The following ITGAE variants were observed in gnomAD, a reference collection of about 807,000 sequenced individuals.
ITGAE encodes integrin alpha-E.
Under a neutral mutation model 136.5 loss-of-function variants are expected in ITGAE, and 99 were observed. That is an observed-to-expected ratio of 0.73 (90% confidence interval 0.62 to 0.86). The LOEUF (loss-of-function observed/expected upper bound fraction) is 0.86. ITGAE is among the 40% of genes least tolerant of loss of function. The pLI, the probability that ITGAE is intolerant of heterozygous loss-of-function variation, is 0.00. For synonymous variants in ITGAE, 613 were observed against 591.8 expected (o/e 1.04, Z -0.52); for missense variants, 1,447 against 1,515.3 (o/e 0.95, Z 0.75).
In ITGAE at chr17:3,798,829, C is replaced by G. The variant is rs995043777; in HGVS notation, c.34+2282G>C. Reference sequence around the variant, plus strand: ...TCAGGGGTGAAGACTGACTTGGGGACAGCAGGCCACAGGGTAAGAGGGCAT... The same window carrying G: ...TCAGGGGTGAAGACTGACTTGGGGAGAGCAGGCCACAGGGTAAGAGGGCAT... On this transcript the variant is annotated intron_variant, in intron 1 of 30. Transcript: ENST00000263087. The surrounding 1 kb of genome is among the most constrained non-coding windows in gnomAD (Gnocchi z 4.3). Among the ~76,000 whole-genome samples the G allele has an allele frequency of 1.3e-5, 2 of 152,218 alleles. No individual in the cohort carries two copies. Among genetic ancestry groups the G allele is most frequent in the Non-Finnish European group, 2.9e-5 (2 of 68,038 alleles).
chr17:3,730,366 C>G (rs9912967), intron 23 of ITGAE: 1 of 151,336 alleles, frequency 6.6e-6, no homozygotes, highest in African/African-American at 2.4e-5. Flanking sequence ...AGGCAGAGAA[C>G]TGCTTGAACC....
rs201627466 is a variant in ITGAE, at chr17:3,757,706, C to T, written c.1020G>A (p.Gly340=). ...KMQGVERFAI[G]VGEEFKSART... is the part of the protein sequence containing the mutation. Reference sequence around the variant, plus strand: ...GTGTCTCCCGGCTCCTGGCTCTTACCCCAATGGCAAAGCGCTCAACACCCT... The same window carrying T: ...GTGTCTCCCGGCTCCTGGCTCTTACTCCAATGGCAAAGCGCTCAACACCCT... Residue 340 remains glycine (G), a splice_region_variant and synonymous_variant, in exon 9 of 31, where the codon GGG becomes GGA. Transcript: ENST00000263087. 37 of 1,613,744 alleles carry T rather than the reference C, an allele frequency of 2.3e-5. No individual in the cohort carries two copies. Among genetic ancestry groups the T allele is most frequent in the Non-Finnish European group, 3.1e-5 (37 of 1,179,862 alleles).
intron 24 of ITGAE, among the ~76,000 whole-genome samples, chr17:3,728,762 T>G (rs1176709189): frequency 6.6e-6 from 1 of 151,120 alleles, no homozygotes; most frequent in Non-Finnish European, 1.5e-5. Context: ...CCGGGTGCAG[T>G]GGTTCATGCC....
intron 1 of ITGAE, among the ~76,000 whole-genome samples, chr17:3,780,801 A>C (rs1449798972): frequency 6.6e-6 from 1 of 151,834 alleles, no homozygotes; most frequent in Non-Finnish European, 1.5e-5. Context: ...CCAGGGCTCA[A>C]TCCATCCTCC....
In ITGAE at chr17:3,729,740, G is replaced by T; in HGVS notation, c.2835-185C>A. 2.0e-5 allele frequency: 11 copies of T among 546,588 alleles called. No homozygotes were observed. The South Asian group carries it at 2.0e-4, about 10-fold the overall frequency. 33.9% of individuals were successfully genotyped at this position (546,588 alleles called of 1,614,324 possible). A position where few individuals can be genotyped will look rare whatever the true frequency, so the allele number is the denominator to read the frequency against. On this transcript the variant is annotated intron_variant, in intron 23 of 30. Coordinates refer to ENST00000263087, the MANE Select transcript of ITGAE (RefSeq NM_002208.5). ...CTCCTGAGTAGCTGGAATTACAGGC[G>T]TGAGCCACCATACCCAGTTAATTTT...
chr17:3,748,054 TAAACAAGACA>T lies in ITGAE; in HGVS notation c.2025-12_2025-3del. On this transcript the variant is annotated splice_region_variant and splice_polypyrimidine_tract_variant and intron_variant, in intron 16 of 30. Transcript: ENST00000263087. ...TTCAGGCGAACCACAGGCCGGGAGCTAAACAAGACAGCAAAGAGGATGGGAGAAGTGACTG... is the reference window on the plus strand; with the variant it reads ...TTCAGGCGAACCACAGGCCGGGAGCTGCAAAGAGGATGGGAGAAGTGACTG... The T allele has an allele frequency of 6.2e-7, 1 of 1,608,304 alleles. No individual in the cohort carries two copies. The highest frequency in any genetic ancestry group is 1.1e-5 in the South Asian group (1 of 90,970).
intron 1 of ITGAE, among the ~76,000 whole-genome samples, chr17:3,797,315 G>A (rs559589551): frequency 8.5e-4 from 124 of 146,098 alleles, no homozygotes; most frequent in Admixed American, 2.3e-3. Flanking sequence ...ACAGGCACCC[G>A]CCACCATGCC....
chr17:3,737,863 T>C (rs908746670), intron 20 of ITGAE, among the ~76,000 whole-genome samples: 2 of 152,128 alleles, frequency 1.3e-5, no homozygotes, highest in Admixed American at 1.3e-4. Context: ...TTGCTTGCTA[T>C]GTACACTAGG....
chr17:3,755,783 C>T (rs1326654137), intron 11 of ITGAE, 47 bp downstream of exon 11: 4 of 1,527,352 alleles, frequency 2.6e-6, no homozygotes, highest in Admixed American at 3.9e-5. Context: ...GTGTCCTGGG[C>T]CCCTCACCAA....
chr17:3,773,128 T>G (rs1164127429), intron 2 of ITGAE, among the ~76,000 whole-genome samples: 3 of 152,148 alleles, frequency 2.0e-5, no homozygotes, highest in African/African-American at 7.2e-5. Context: ...ACCCTTTCCT[T>G]GGGCTTAATT....
At chr17:3,727,646 G>A (rs983230513) in intron 26 of ITGAE, among the ~76,000 whole-genome samples, 7 of 151,952 alleles carry the variant, frequency 4.6e-5, no homozygotes, top group Admixed American at 1.3e-4. Flanking sequence ...TGATCCACCC[G>A]CCTCGGCCTC....
chr17:3,792,629 T>C (rs1356204088), intron 1 of ITGAE, among the ~76,000 whole-genome samples: 2 of 152,182 alleles, frequency 1.3e-5, no homozygotes, highest in African/African-American at 4.8e-5. Context: ...GATCACGCAG[T>C]GCCAGCACTT....
chr17:3,723,134 G>A (rs2051092818), intron 28 of ITGAE, among the ~76,000 whole-genome samples, 154 bp downstream of exon 28: 3 of 152,238 alleles, frequency 2.0e-5, no homozygotes, highest in Non-Finnish European at 4.4e-5. Context: ...CCTGAGGGTA[G>A]CTAAGGAACG....
intron 24 of ITGAE, chr17:3,729,226 G>A: frequency 2.2e-6 from 1 of 453,876 alleles, no homozygotes; most frequent in Non-Finnish European, 4.1e-6. Flanking sequence ...TCCCTCCACA[G>A]CGTCATATTA....
At position 3,755,273 on chromosome 17, in the gene ITGAE, G is replaced by C. The variant is rs534544976; in HGVS notation, c.1240-12C>G. On this transcript the variant is annotated splice_polypyrimidine_tract_variant and intron_variant, in intron 11 of 30. Transcript: ENST00000263087. ...AGCAGCACCTGCCGCTGAAGGGGAC[G>C]GGGATGGGGCCCAGATGAGTGGGAG... 155 of 1,566,072 alleles carry C rather than the reference G, an allele frequency of 9.9e-5. 1 individual carries two copies. In the South Asian group the frequency reaches 1.7e-3, roughly 17 times the overall value.
chr17:3,767,717 G>C (rs3786019), intron 2 of ITGAE, among the ~76,000 whole-genome samples: 15,504 of 151,692 alleles, frequency 0.1, 895 homozygotes, highest in East Asian at 0.17. Context: ...TTGACCTCCC[G>C]GGCTCAGCAA....
At chr17:3,750,258 T>C in intron 16 of ITGAE, 94 bp downstream of exon 16, 1 of 1,519,088 alleles carries the variant, frequency 6.6e-7, no homozygotes, top group South Asian at 1.3e-5. Context: ...GCTGGCTCCC[T>C]CCCTCAGTGC....
chr17:3,725,828 G>T, intron 26 of ITGAE: 1 of 1,612,170 alleles, frequency 6.2e-7, no homozygotes. Context: ...TTCTACACCA[G>T]CTCACAGCCT....
chr17:3,767,319 AACTCCTG>A (rs1306809686), intron 2 of ITGAE, among the ~76,000 whole-genome samples: 2 of 152,016 alleles, frequency 1.3e-5, no homozygotes, highest in East Asian at 3.9e-4. Context: ...GCTGGTCTTG[AACTCCTG>A]ACCTCAGGTG....
Sources: gnomAD v4.1 joint callset for allele counts (sites outside exome capture counted in the v4.1 genomes callset) on GRCh38, gnomAD v4.1.1 for gene constraint, Gnocchi (gnomAD v3.1) non-coding constraint, MANE v1.5 for transcripts, NCBI Gene and HGNC (gene_info 2026-07-23, HGNC 2026-07-21) for gene names.